Variants in STK33 observed in about 807,000 individuals in gnomAD.
The protein encoded by STK33 is serine/threonine-protein kinase 33.
In STK33, 52 loss-of-function variants were observed where a neutral mutation model predicts 58.0. That is an observed-to-expected ratio of 0.90 (90% CI 0.72 to 1.13). The LOEUF (loss-of-function observed/expected upper bound fraction) is 1.13, where lower values mean the gene tolerates loss of function less well. Ranked by LOEUF, STK33 falls within the 50% of genes most tolerant of loss-of-function variation. The probability of loss-of-function intolerance (pLI) is 0.00; values close to 1 mark genes in which losing one functional copy is unlikely to be tolerated. For missense variants in STK33, 630 were observed against 604.2 expected (o/e 1.04, Z -0.45); for synonymous variants, 215 against 200.1 (o/e 1.07, Z -0.63).
intron 1 of STK33, among the ~76,000 whole-genome samples, chr11:8,554,418 CAAAA>C (rs35967209): frequency 1.7e-5 from 1 of 58,718 alleles, no homozygotes; most frequent in Non-Finnish European, 3.7e-5. Flanking sequence ...GACTCCATCT[CAAAA>C]AAAAAAAAAA....
At chr11:8,525,774 A>C (rs531947784) in intron 1 of STK33, among the ~76,000 whole-genome samples, 176 of 152,336 alleles carry the variant, frequency 1.2e-3, no homozygotes, top group African/African-American at 4.1e-3. Flanking sequence ...AGGAAAAGCC[A>C]AAATGGGAAA....
At chr11:8,465,702 C>G (rs978677494) in intron 6 of STK33, 1 of 152,534 alleles carries the variant, frequency 6.6e-6, no homozygotes, top group African/African-American at 2.4e-5. Context: ...GTTGGGTCAG[C>G]TAGTCAAAGC....
At position 8,413,515 on chromosome 11, in the gene STK33, C is replaced by T; in HGVS notation, c.1324G>A (p.Asp442Asn). 6.2e-7 allele frequency: 1 copy of T among 1,613,940 alleles called. No individual in the cohort carries two copies. Among genetic ancestry groups the T allele is most frequent in the Non-Finnish European group, 8.5e-7 (1 of 1,179,862 alleles). Residue 442 changes from aspartate to asparagine, a missense_variant, in exon 15 of 16, where the codon GAT (aspartate) becomes AAT (asparagine). Physicochemically the swap from Asp to Asn is conservative, Grantham distance 23. Transcript: ENST00000687296. ...GNVPDANYTSDEEEEKQSTAY... is the reference protein window; with the variant it reads ...GNVPDANYTSNEEEEKQSTAY... ...CCTACCTGTTTTTCCTCCTCTTCAT[C>T]TGAAGTGTAATTGGCATCAGGGACA...
chr11:8,508,494 A>G (rs1952047542), intron 1 of STK33, among the ~76,000 whole-genome samples: 1 of 150,422 alleles, frequency 6.6e-6, no homozygotes, highest in South Asian at 2.1e-4. Context: ...CTATTCTCAA[A>G]CTCCTGGGCT....
intron 11 of STK33, among the ~76,000 whole-genome samples, chr11:8,450,618 CAA>C (rs34353466): frequency 2.0e-5 from 3 of 150,584 alleles, no homozygotes; most frequent in South Asian, 2.1e-4. Flanking sequence ...TTTTCAATAA[CAA>C]AAAAAAAGTT....
intron 11 of STK33, among the ~76,000 whole-genome samples, chr11:8,446,102 C>G (rs1476257306): frequency 6.6e-6 from 1 of 152,036 alleles, no homozygotes; most frequent in Non-Finnish European, 1.5e-5. Context: ...CTGGTTTAGT[C>G]TTGGGAGGGT....
intron 1 of STK33, among the ~76,000 whole-genome samples, chr11:8,549,740 C>T (rs997783433): frequency 4.0e-5 from 6 of 151,882 alleles, no homozygotes; most frequent in African/African-American, 9.7e-5. Context: ...TTATTCATTT[C>T]GTCTAAGTTT....
At chr11:8,566,071 C>A (rs1591820786) in intron 1 of STK33, among the ~76,000 whole-genome samples, 3 of 152,210 alleles carry the variant, frequency 2.0e-5, no homozygotes, top group Non-Finnish European at 4.4e-5. Context: ...TAAATAACAT[C>A]ATTGGTCAAC....
intron 1 of STK33, among the ~76,000 whole-genome samples, chr11:8,523,807 G>A (rs1188199586): frequency 6.6e-6 from 1 of 152,248 alleles, no homozygotes; most frequent in Admixed American, 6.5e-5. Context: ...CCGCCACCCT[G>A]TCTGGGAGGT....
intron 1 of STK33, among the ~76,000 whole-genome samples, chr11:8,527,671 CAG>C (rs1226014270): frequency 6.6e-6 from 1 of 151,978 alleles, no homozygotes; most frequent in African/African-American, 2.4e-5. Flanking sequence ...GCTCTTAGAC[CAG>C]AGCAAGATAA....
chr11:8,366,276 C>T, the STK33 span, among the ~76,000 whole-genome samples: 266 of 152,336 alleles, frequency 1.7e-3, no homozygotes, highest in Non-Finnish European at 2.7e-3. Flanking sequence ...AGGCCAGCCT[C>T]TGCACCTTCA....
chr11:8,420,575 C>T (rs369585355), intron 14 of STK33, among the ~76,000 whole-genome samples: 1 of 152,206 alleles, frequency 6.6e-6, no homozygotes. Flanking sequence ...TGCATCCATA[C>T]ACCTAGTTTT....
At chr11:8,439,532 A>C (rs935191876) in intron 12 of STK33, among the ~76,000 whole-genome samples, 2 of 152,018 alleles carry the variant, frequency 1.3e-5, no homozygotes, top group African/African-American at 4.8e-5. Flanking sequence ...ATGGTGGGGT[A>C]AAGTAGGAGT....
chr11:8,356,044 C>A, the STK33 span, among the ~76,000 whole-genome samples: 156 of 152,342 alleles, frequency 1.0e-3, no homozygotes, highest in African/African-American at 3.6e-3. Context: ...AAACGCCGTT[C>A]TACCCCGTAA....
chr11:8,445,855 T>A (rs1304849910), intron 11 of STK33, among the ~76,000 whole-genome samples: 2 of 152,196 alleles, frequency 1.3e-5, no homozygotes, highest in East Asian at 3.9e-4. Flanking sequence ...TTTTGTTGTG[T>A]CTCTGCCAGG....
chr11:8,521,392 A>G, intron 1 of STK33, among the ~76,000 whole-genome samples: 1 of 152,252 alleles, frequency 6.6e-6, no homozygotes, highest in East Asian at 1.9e-4. Flanking sequence ...TCCCTATTTA[A>G]TAAATGGTGC....
At chr11:8,464,683 A>G in intron 7 of STK33, 26 bp downstream of exon 7, 2 of 1,537,944 alleles carry the variant, frequency 1.3e-6, no homozygotes, top group Non-Finnish European at 1.8e-6. Flanking sequence ...CTGTGCCCTC[A>G]GTAGGATGCT....
intron 14 of STK33, among the ~76,000 whole-genome samples, chr11:8,432,270 C>T (rs550510315): frequency 6.6e-6 from 1 of 152,194 alleles, no homozygotes; most frequent in South Asian, 2.1e-4. Context: ...AATGTAAATT[C>T]TTGGTGTTAT....
At chr11:8,540,913 A>C (rs972824818) in intron 1 of STK33, among the ~76,000 whole-genome samples, 6 of 151,808 alleles carry the variant, frequency 4.0e-5, no homozygotes, top group Non-Finnish European at 7.4e-5. Flanking sequence ...ATGAAAAAGT[A>C]ATTATGTGAG....
Sources: gnomAD v4.1 joint callset for allele counts (sites outside exome capture counted in the v4.1 genomes callset) on GRCh38, gnomAD v4.1.1 for gene constraint, MANE v1.5 for transcripts, NCBI Gene and HGNC (gene_info 2026-07-23, HGNC 2026-07-21) for gene names.